SHISA9: variants seen among roughly 807,000 people sequenced by gnomAD.
The protein encoded by SHISA9 is protein shisa-9.
In SHISA9, 13 loss-of-function variants were observed where a neutral mutation model predicts 38.0. The observed-to-expected ratio is 0.34, with a 90% confidence interval of 0.22 to 0.54. SHISA9 has a LOEUF of 0.54. Among genes scored for constraint, SHISA9 ranks in the 20% least tolerant of loss-of-function variants. The pLI is 0.91. For missense variants in SHISA9, 538 were observed against 575.8 expected, an observed-to-expected ratio of 0.93 and a Z score of 0.67; for synonymous variants, 275 against 242.0, an observed-to-expected ratio of 1.14 and a Z score of -1.27.
chr16:13,459,609 G>GTGAT, the SHISA9 span, among the ~76,000 whole-genome samples: 39 of 152,262 alleles, frequency 2.6e-4, no homozygotes, highest in Non-Finnish European at 4.6e-4. Context: ...TATCACTGAA[G>GTGAT]ATTTTTTATC....
At chr16:13,074,916 G>A (rs529493792) in intron 2 of SHISA9, among the ~76,000 whole-genome samples, 12 of 151,976 alleles carry the variant, frequency 7.9e-5, no homozygotes, top group African/African-American at 1.2e-4. Context: ...CACCTGTCTC[G>A]GCCTCCCAAA....
chr16:13,556,638 G>A, the SHISA9 span, among the ~76,000 whole-genome samples: 1 of 151,874 alleles, frequency 6.6e-6, no homozygotes, highest in African/African-American at 2.4e-5. Flanking sequence ...ACTCCAGCCT[G>A]GGCGACAGAG....
intron 2 of SHISA9, among the ~76,000 whole-genome samples, chr16:12,953,919 A>T (rs1020865451): frequency 6.6e-6 from 1 of 152,192 alleles, no homozygotes; most frequent in Admixed American, 6.5e-5. Context: ...AGCTCTTGTG[A>T]GAACTCACTC....
the SHISA9 span, among the ~76,000 whole-genome samples, chr16:13,360,705 G>A: frequency 2.0e-5 from 3 of 152,174 alleles, no homozygotes; most frequent in Non-Finnish European, 4.4e-5. Context: ...TATCAAAATG[G>A]TGGCAGCTCA....
At chr16:12,933,071 C>T (rs991666932) in intron 2 of SHISA9, among the ~76,000 whole-genome samples, 4 of 152,092 alleles carry the variant, frequency 2.6e-5, no homozygotes, top group East Asian at 3.9e-4. Flanking sequence ...GCCTCAAATA[C>T]GTAGTGCCTA....
At chr16:13,016,831 C>G (rs1240755996) in intron 2 of SHISA9, among the ~76,000 whole-genome samples, 1 of 152,100 alleles carries the variant, frequency 6.6e-6, no homozygotes, top group African/African-American at 2.4e-5. Context: ...ACTTTTTAGT[C>G]ACACTTTGGG....
At chr16:13,272,196 T>C in the SHISA9 span, among the ~76,000 whole-genome samples, 2 of 152,098 alleles carry the variant, frequency 1.3e-5, no homozygotes, top group Non-Finnish European at 2.9e-5. Context: ...GCACTTTTCA[T>C]AATATGTAAA....
At position 12,970,442 on chromosome 16, in the gene SHISA9, C is replaced by CATATATGTGTATATATAT. The variant is rs1567357227; in HGVS notation, c.691+53628_691+53629insTATATGTGTATATATATA. Reference sequence around the variant, plus strand: ...ACACATATATGTATATATATATACACACATATATATATACATATATGTGTG... The same window carrying CATATATGTGTATATATAT: ...ACACATATATGTATATATATATACACATATATGTGTATATATATACATATATATATACATATATGTGTG... On this transcript the variant is annotated intron_variant, in intron 2 of 4. Transcript: ENST00000558583. 8.3e-4 allele frequency among the ~76,000 whole-genome samples: 34 copies of CATATATGTGTATATATAT among 41,094 alleles called. 1 individual carries two copies. The highest frequency in any genetic ancestry group is 1.0e-3 in the Non-Finnish European group (23 of 22,342). The allele number at this position is 41,094 out of a possible 152,430, so 27.0% of individuals were successfully genotyped here.
the SHISA9 span, among the ~76,000 whole-genome samples, chr16:13,371,305 C>G: frequency 3.3e-5 from 5 of 152,192 alleles, no homozygotes; most frequent in Non-Finnish European, 5.9e-5. Flanking sequence ...ATCCAGATGT[C>G]CCTGCTCACC....
chr16:13,072,797 A>G (rs573059895), intron 2 of SHISA9, among the ~76,000 whole-genome samples: 1 of 152,074 alleles, frequency 6.6e-6, no homozygotes, highest in East Asian at 1.9e-4. Context: ...AATAGCTGAG[A>G]TTACAGGCGC....
At chr16:13,521,305 C>G in the SHISA9 span, among the ~76,000 whole-genome samples, 1 of 152,222 alleles carries the variant, frequency 6.6e-6, no homozygotes, top group African/African-American at 2.4e-5. Flanking sequence ...ATTATTCTGA[C>G]ATCATCTCTT....
chr16:13,515,990 G>T, the SHISA9 span, among the ~76,000 whole-genome samples: 1 of 152,198 alleles, frequency 6.6e-6, no homozygotes, highest in Non-Finnish European at 1.5e-5. Context: ...ACCTTTAATG[G>T]ACTGGATAAC....
intron 2 of SHISA9, among the ~76,000 whole-genome samples, chr16:13,160,463 T>C (rs185638388): frequency 1.3e-5 from 2 of 152,346 alleles, no homozygotes; most frequent in East Asian, 3.9e-4. Context: ...TATATCACAC[T>C]GCATAGGTGG....
At chr16:13,121,804 G>GT (rs2050212906) in intron 2 of SHISA9, among the ~76,000 whole-genome samples, 1 of 140,050 alleles carries the variant, frequency 7.1e-6, no homozygotes, top group African/African-American at 2.7e-5. Context: ...TTTATAATAG[G>GT]TCACAACATT....
chr16:13,012,538 C>T (rs147976516), intron 2 of SHISA9, among the ~76,000 whole-genome samples: 7 of 152,234 alleles, frequency 4.6e-5, no homozygotes, highest in East Asian at 3.9e-4. Context: ...AGGATGCACA[C>T]GCTTTTCATT....
At chr16:13,262,887 G>A in the SHISA9 span, among the ~76,000 whole-genome samples, 3 of 152,124 alleles carry the variant, frequency 2.0e-5, no homozygotes, top group Non-Finnish European at 4.4e-5. Flanking sequence ...TACAGGGAGA[G>A]CATTAACTAT....
the SHISA9 span, among the ~76,000 whole-genome samples, chr16:13,376,350 A>G: frequency 6.6e-6 from 1 of 152,222 alleles, no homozygotes; most frequent in Non-Finnish European, 1.5e-5. Flanking sequence ...CTGGAGCCTG[A>G]CTGATTCTCT....
intron 3 of SHISA9, among the ~76,000 whole-genome samples, chr16:13,209,974 G>A (rs1489762223): frequency 5.9e-5 from 9 of 151,988 alleles, no homozygotes; most frequent in African/African-American, 2.2e-4. Flanking sequence ...GGTGGCACAT[G>A]CCTGTAGTCT....
the SHISA9 span, among the ~76,000 whole-genome samples, chr16:13,317,179 A>T: frequency 6.6e-6 from 1 of 152,204 alleles, no homozygotes; most frequent in African/African-American, 2.4e-5. Flanking sequence ...TGGGAGAAAA[A>T]GGGCAGCTTG....
Sources: allele counts gnomAD v4.1 joint callset (sites outside exome capture counted in the v4.1 genomes callset), GRCh38; gene constraint gnomAD v4.1.1; transcripts MANE v1.5; gene names NCBI Gene and HGNC (gene_info 2026-07-23, HGNC 2026-07-21).